The following TRIM36 variants were observed in gnomAD, a reference collection of about 807,000 sequenced individuals.
TRIM36 encodes the protein tripartite motif containing 36.
In TRIM36, 42 loss-of-function variants were observed where a neutral mutation model predicts 72.4. The observed-to-expected ratio is 0.58, with a 90% CI of 0.45 to 0.75. The LOEUF is 0.75. Among genes scored for constraint, TRIM36 ranks in the 30% least tolerant of loss-of-function variants. The pLI, the probability that TRIM36 is intolerant of heterozygous loss-of-function variation, is 0.00. For missense variants in TRIM36, 913 were observed against 857.1 expected (o/e 1.07, Z -0.81); for synonymous variants, 315 against 282.8 (o/e 1.11, Z -1.14).
intron 8 of TRIM36, among the ~76,000 whole-genome samples, chr5:115,131,432 C>G (rs1433790633): frequency 6.6e-6 from 1 of 152,154 alleles, no homozygotes; most frequent in Non-Finnish European, 1.5e-5. Flanking sequence ...TTGAATCCTA[C>G]TCAAGCATTC....
At chr5:115,150,686 G>C (rs1753841432) in intron 2 of TRIM36, among the ~76,000 whole-genome samples, 1 of 152,204 alleles carries the variant, frequency 6.6e-6, no homozygotes, top group Non-Finnish European at 1.5e-5. Flanking sequence ...GCTCCTACAG[G>C]ACCTGGGAGA....
chr5:115,142,778 G>C (rs1035607412), intron 4 of TRIM36, among the ~76,000 whole-genome samples: 1 of 152,156 alleles, frequency 6.6e-6, no homozygotes, highest in Non-Finnish European at 1.5e-5. Context: ...AGATTAAAAT[G>C]TAAAAAGACA....
At chr5:115,180,168 G>A (rs1755554576), upstream of TRIM36, 8 of 865,132 alleles carry the variant, frequency 9.2e-6, no homozygotes, top group East Asian at 5.5e-5. Context: ...CAGGAAAAGA[G>A]GGGAAGCGCC....
intron 2 of TRIM36, chr5:115,148,245 A>G (rs2112847232): frequency 2.6e-6 from 2 of 755,462 alleles, no homozygotes; most frequent in Middle Eastern, 6.9e-4. Flanking sequence ...TACAACATAT[A>G]TAAAACAATG....
intron 3 of TRIM36, among the ~76,000 whole-genome samples, chr5:115,146,851 T>C (rs529229636): frequency 2.0e-5 from 3 of 152,210 alleles, no homozygotes; most frequent in Non-Finnish European, 2.9e-5. Context: ...TGGATTGTAA[T>C]AGAATAAACC....
Position 115,137,371 on chromosome 5 carries a change from G to A in TRIM36, c.1077C>T (p.Leu359=), listed in dbSNP as rs754332503. 4 of 1,605,932 alleles carry A rather than the reference G, an allele frequency of 2.5e-6. No individual in the cohort carries two copies. Among genetic ancestry groups the A allele is most frequent in the Non-Finnish European group, 3.4e-6 (4 of 1,177,842 alleles). ...QSCFVQTAKQ[L]HLRIQKATES... is the part of the protein sequence containing the mutation. ...GAAGTAAAAGAGAATACCTGAGGTG[G>A]AGCTGCTTTGCTGTCTGCACAAAGC... is the stretch of plus-strand genomic sequence containing the variant. Residue 359 remains leucine, a synonymous_variant, in exon 6 of 10, where the codon CTC becomes CTT. Coordinates refer to ENST00000513154, the MANE Select transcript of TRIM36 (RefSeq NM_001300759.2).
intron 1 of TRIM36, among the ~76,000 whole-genome samples, chr5:115,167,635 A>G (rs1754858512): frequency 6.6e-6 from 1 of 152,206 alleles, no homozygotes; most frequent in African/African-American, 2.4e-5. Flanking sequence ...CTTTGTCCAT[A>G]CCACTAGCAG....
At chr5:115,179,942 C>G (rs1361631145) in intron 1 of TRIM36, 6 of 1,609,270 alleles carry the variant, frequency 3.7e-6, no homozygotes, top group Admixed American at 1.7e-5. Flanking sequence ...AGTCGGGGGC[C>G]CAGGCCGCGG....
intron 2 of TRIM36, among the ~76,000 whole-genome samples, chr5:115,148,150 ACTT>A (rs1753692334): frequency 6.6e-6 from 1 of 152,194 alleles, no homozygotes; most frequent in African/African-American, 2.4e-5. Context: ...CCATTTAATA[ACTT>A]CTTATGACCT....
intron 2 of TRIM36, among the ~76,000 whole-genome samples, chr5:115,163,146 G>A (rs1754574524): frequency 1.3e-5 from 2 of 151,948 alleles, no homozygotes; most frequent in Admixed American, 6.6e-5. Flanking sequence ...TAGTAGAGAT[G>A]GAGTTTCTCC....
chr5:115,143,871 T>G (rs1228550724), intron 4 of TRIM36, among the ~76,000 whole-genome samples: 1 of 152,018 alleles, frequency 6.6e-6, no homozygotes, highest in East Asian at 1.9e-4. Flanking sequence ...TAATTCAGGT[T>G]TTTTTTTGTT....
At chr5:115,149,765 C>T (rs1293515917) in intron 2 of TRIM36, 2 of 151,610 alleles carry the variant, frequency 1.3e-5, no homozygotes, top group Non-Finnish European at 2.9e-5. Context: ...ATCTTGAAAG[C>T]TCTTTTTTTT....
intron 4 of TRIM36, among the ~76,000 whole-genome samples, chr5:115,142,403 C>T (rs1488264385): frequency 6.6e-6 from 1 of 152,100 alleles, no homozygotes; most frequent in Non-Finnish European, 1.5e-5. Flanking sequence ...CAATAAGATA[C>T]ATTTGGCCAT....
upstream of TRIM36, chr5:115,171,248 A>G: frequency 6.2e-7 from 1 of 1,613,460 alleles, no homozygotes; most frequent in Non-Finnish European, 8.5e-7. Context: ...AGAATTAAAA[A>G]CACTGAGGGA....
intron 9 of TRIM36, among the ~76,000 whole-genome samples, chr5:115,127,123 C>T (rs1293588857): frequency 9.9e-5 from 15 of 152,102 alleles, no homozygotes. Flanking sequence ...TTTTAGCCTT[C>T]CAAAAAGTGA....
intron 2 of TRIM36, among the ~76,000 whole-genome samples, chr5:115,161,974 C>G (rs1434059843): frequency 6.6e-6 from 1 of 152,120 alleles, no homozygotes; most frequent in African/African-American, 2.4e-5. Context: ...ATACTTAGCC[C>G]ATTTCATTTC....
At chr5:115,155,303 G>A (rs764217065) in intron 2 of TRIM36, among the ~76,000 whole-genome samples, 13 of 152,114 alleles carry the variant, frequency 8.5e-5, no homozygotes, top group East Asian at 3.8e-4. Context: ...AGCCGAGATC[G>A]CACCACTGCA....
chr5:115,130,764 C>T lies in TRIM36; in HGVS notation c.1624G>A (p.Val542Met), dbSNP rs1160109769. 1 of 1,614,048 alleles carries T rather than the reference C, an allele frequency of 6.2e-7. No homozygotes were observed. Among genetic ancestry groups the T allele is most frequent in the Admixed American group, 1.7e-5 (1 of 60,004 alleles). The change falls in exon 9 of 10, where the codon GTG becomes ATG. Residue 542 changes from valine (V) to methionine (M), a missense_variant. Transcript: ENST00000513154. ...TAGTCTAAGCTTGTGTAATAACCCA[C>T]TTGGATGCGTTCTGCAGCAAGCAGA... ...NLLLAAERIQ[V>M]GYYTSLDYII...
At chr5:115,163,114 C>T (rs961978207) in intron 2 of TRIM36, among the ~76,000 whole-genome samples, 2 of 152,112 alleles carry the variant, frequency 1.3e-5, no homozygotes, top group Non-Finnish European at 2.9e-5. Context: ...CGCGTCACCA[C>T]ACCTAGCTCA....
Sources: allele counts gnomAD v4.1 joint callset (sites outside exome capture counted in the v4.1 genomes callset), GRCh38; gene constraint gnomAD v4.1.1; transcripts MANE v1.5; gene names NCBI Gene and HGNC (gene_info 2026-07-23, HGNC 2026-07-21).